ACTR3C: variants seen among roughly 807,000 people sequenced by gnomAD.
ACTR3C encodes the protein actin-related protein 3C.
In ACTR3C, 18 loss-of-function variants were observed where a neutral mutation model predicts 26.3. The ratio of observed to expected loss-of-function variants is 0.68; its 90% CI spans 0.47 to 1.01. The LOEUF (loss-of-function observed/expected upper bound fraction) is 1.01. Ranked by LOEUF, ACTR3C falls within the 50% of genes least tolerant of loss-of-function variation. ACTR3C has a pLI of 0.00. For synonymous variants in ACTR3C, 55 were observed against 94.5 expected (o/e 0.58, Z 2.42); for missense variants, 184 against 250.7 (o/e 0.73, Z 1.80).
chr7:149,890,364 ATTTC>A, the ACTR3C span, among the ~76,000 whole-genome samples: 1 of 149,318 alleles, frequency 6.7e-6, no homozygotes. Flanking sequence ...ACGAGGAGAT[ATTTC>A]TTCTCATTTA....
the ACTR3C span, among the ~76,000 whole-genome samples, chr7:150,114,340 CT>C: frequency 6.6e-6 from 1 of 152,010 alleles, no homozygotes; most frequent in East Asian, 1.9e-4. Context: ...CTAGTCTTTT[CT>C]TAAGGGCATT....
chr7:150,267,382 G>A (rs1444853908), intron 6 of ACTR3C, among the ~76,000 whole-genome samples: 4 of 152,146 alleles, frequency 2.6e-5, no homozygotes, highest in African/African-American at 7.2e-5. Context: ...ATGAAATCTC[G>A]AGCTGTCCCA....
At chr7:149,995,788 G>T in the ACTR3C span, among the ~76,000 whole-genome samples, 1 of 152,272 alleles carries the variant, frequency 6.6e-6, no homozygotes, top group Non-Finnish European at 1.5e-5. Flanking sequence ...ACCAACCACA[G>T]CTCCGTGAGG....
the ACTR3C span, among the ~76,000 whole-genome samples, chr7:149,941,993 A>C: frequency 6.6e-6 from 1 of 152,112 alleles, no homozygotes; most frequent in Admixed American, 6.5e-5. Flanking sequence ...TGTGCAGCCT[A>C]AATTGTCCCC....
At chr7:150,198,272 T>C in the ACTR3C span, among the ~76,000 whole-genome samples, 1 of 149,080 alleles carries the variant, frequency 6.7e-6, no homozygotes, top group East Asian at 2.0e-4. Context: ...CCACCCCGTC[T>C]GGGAAGTGAG....
the ACTR3C span, among the ~76,000 whole-genome samples, chr7:150,049,490 G>C: frequency 5.3e-5 from 8 of 152,206 alleles, no homozygotes; most frequent in Admixed American, 1.3e-4. Flanking sequence ...GACTGCTAAG[G>C]CTCCCTGCTC....
the ACTR3C span, among the ~76,000 whole-genome samples, chr7:149,884,562 A>G: frequency 2.6e-5 from 4 of 152,106 alleles, no homozygotes; most frequent in Non-Finnish European, 5.9e-5. Context: ...CAAACATGGT[A>G]TATACCTACA....
chr7:150,135,126 G>C, the ACTR3C span, among the ~76,000 whole-genome samples: 1 of 152,212 alleles, frequency 6.6e-6, no homozygotes, highest in South Asian at 2.1e-4. Flanking sequence ...CAAAAAATTA[G>C]CCAGGCGTGG....
chr7:150,016,236 T>C, the ACTR3C span, among the ~76,000 whole-genome samples: 4 of 152,122 alleles, frequency 2.6e-5, no homozygotes, highest in East Asian at 1.9e-4. Context: ...CCTCTTCCCT[T>C]GTCTTTCTAT....
chr7:150,016,978 T>C, the ACTR3C span, among the ~76,000 whole-genome samples: 1 of 152,058 alleles, frequency 6.6e-6, no homozygotes, highest in East Asian at 1.9e-4. Context: ...ACATGGTGGA[T>C]TGAAGTCTGA....
At chr7:149,995,027 G>A in the ACTR3C span, among the ~76,000 whole-genome samples, 426 of 151,940 alleles carry the variant, frequency 2.8e-3, 7 homozygotes, top group Non-Finnish European at 3.7e-3. Context: ...GCTAATTTTT[G>A]TATTTTTGGT....
At chr7:150,116,513 G>A in the ACTR3C span, among the ~76,000 whole-genome samples, 51 of 152,262 alleles carry the variant, frequency 3.3e-4, no homozygotes, top group African/African-American at 9.1e-4. Context: ...TGCAATAAAG[G>A]TTTCTTGAAC....
the ACTR3C span, among the ~76,000 whole-genome samples, chr7:150,133,312 C>T: frequency 6.6e-6 from 1 of 152,158 alleles, no homozygotes; most frequent in Non-Finnish European, 1.5e-5. Flanking sequence ...GACCAACTCT[C>T]CCTCCCCAAT....
chr7:149,884,213 G>A, the ACTR3C span, among the ~76,000 whole-genome samples: 2 of 152,200 alleles, frequency 1.3e-5, no homozygotes, highest in African/African-American at 2.4e-5. Flanking sequence ...TTGGGCTTCC[G>A]GGAATGAAAT....
At chr7:150,138,599 A>T in the ACTR3C span, among the ~76,000 whole-genome samples, 4 of 152,250 alleles carry the variant, frequency 2.6e-5, no homozygotes, top group African/African-American at 9.6e-5. Flanking sequence ...CCTCCAGAAC[A>T]AGACAGCCTT....
the ACTR3C span, among the ~76,000 whole-genome samples, chr7:149,898,196 G>A: frequency 1.4e-4 from 22 of 152,114 alleles, no homozygotes; most frequent in Non-Finnish European, 3.1e-4. Context: ...GGGCCACGAC[G>A]ACTGAGGTGA....
intron 1 of ACTR3C, among the ~76,000 whole-genome samples, chr7:150,298,975 T>G: frequency 3.7e-5 from 1 of 26,692 alleles, no homozygotes; most frequent in African/African-American, 8.4e-4. Context: ...TAATGAAAAC[T>G]TTTTTTTTTT....
At chr7:150,312,147 C>T (rs1796383391) in intron 1 of ACTR3C, among the ~76,000 whole-genome samples, 2 of 152,304 alleles carry the variant, frequency 1.3e-5, no homozygotes, top group South Asian at 4.1e-4. Flanking sequence ...TGCTAATATT[C>T]CAGCCCCCAC....
At chr7:150,071,089 C>T in the ACTR3C span, among the ~76,000 whole-genome samples, 1 of 149,168 alleles carries the variant, frequency 6.7e-6, no homozygotes, top group East Asian at 2.0e-4. Context: ...CCACCATGCC[C>T]AGCACAAAAT....
Sources: gnomAD v4.1 joint callset for allele counts (sites outside exome capture counted in the v4.1 genomes callset) on GRCh38, gnomAD v4.1.1 for gene constraint, MANE v1.5 for transcripts, NCBI Gene and HGNC (gene_info 2026-07-23, HGNC 2026-07-21) for gene names.